The following TEX11 variants were observed in gnomAD, a reference collection of about 807,000 sequenced individuals.
TEX11 encodes the protein testis-expressed protein 11.
TEX11 carries 7 observed loss-of-function variants against 84.4 expected under a neutral mutation model. The observed-to-expected ratio is 0.08, with a 90% CI of 0.05 to 0.16. TEX11 has a LOEUF of 0.16. TEX11 is among the 10% of genes least tolerant of loss of function. The probability of loss-of-function intolerance (pLI) is 1.00; values close to 1 mark genes in which losing one functional copy is unlikely to be tolerated. For missense variants in TEX11, 551 were observed against 660.5 expected (o/e 0.83, Z 1.82); for synonymous variants, 264 against 222.8 (o/e 1.18, Z -1.64).
intron 2 of TEX11, among the ~76,000 whole-genome samples, chrX:70,899,358 T>C (rs1411666433): frequency 8.9e-6 from 1 of 111,800 alleles, no homozygotes; most frequent in Non-Finnish European, 1.9e-5. Context: ...ACTGATTATA[T>C]GCTGGAACAA....
At chrX:70,716,622 T>C (rs2090505466) in intron 13 of TEX11, among the ~76,000 whole-genome samples, 1 of 112,749 alleles carries the variant, frequency 8.9e-6, no homozygotes, top group Non-Finnish European at 1.9e-5. Flanking sequence ...GTGTGCCATT[T>C]GCTAATACCA....
In TEX11 at chrX:70,605,683, T is replaced by C. The variant is rs190849512; in HGVS notation, c.1951-166A>G. On this transcript the variant is annotated intron_variant, in intron 23 of 29. Transcript: ENST00000374333. ...AAACTATAATACTGATTTATGCTTT[T>C]AATTTTATATTACTTTCCATTGTTT... 5.8e-3 allele frequency among the ~76,000 whole-genome samples: 649 copies of C among 112,340 alleles called. 3 individuals are homozygous for C. The highest frequency in any genetic ancestry group is 0.02 in the African/African-American group (620 of 31,027).
At chrX:70,647,989 G>A (rs912765283) in intron 17 of TEX11, among the ~76,000 whole-genome samples, 3 of 111,607 alleles carry the variant, frequency 2.7e-5, no homozygotes, top group South Asian at 3.7e-4. Context: ...CACTATTCAC[G>A]ATAGCAAAGA....
At chrX:70,590,251 A>C (rs1195665039) in intron 25 of TEX11, among the ~76,000 whole-genome samples, 1 of 111,753 alleles carries the variant, frequency 8.9e-6, no homozygotes, top group Non-Finnish European at 1.9e-5. Flanking sequence ...TGACTGTCAT[A>C]GACTACGAGA....
the TEX11 span, among the ~76,000 whole-genome samples, chrX:70,515,874 A>T: frequency 8.9e-6 from 1 of 112,616 alleles, no homozygotes; most frequent in Non-Finnish European, 1.9e-5. Context: ...ATGACCAGTG[A>T]TGATGAGCAT....
chrX:70,724,149 C>G, intron 12 of TEX11: 1 of 752,484 alleles, frequency 1.3e-6, no homozygotes, highest in Non-Finnish European at 1.6e-6. Context: ...CCAATCATCT[C>G]TCTGGTCTTC....
At chrX:70,732,501 C>G (rs1487988837) in intron 11 of TEX11, among the ~76,000 whole-genome samples, 4 of 111,525 alleles carry the variant, frequency 3.6e-5, no homozygotes, top group Non-Finnish European at 7.5e-5. Context: ...TTCTTATACA[C>G]CAAAAACAGT....
chrX:70,531,038 A>C (rs1007790605), intron 28 of TEX11, among the ~76,000 whole-genome samples: 2 of 110,842 alleles, frequency 1.8e-5, no homozygotes, highest in African/African-American at 6.6e-5. Context: ...TTTTTCTTCA[A>C]ATTCACAAGA....
At chrX:70,629,410 C>T (rs1001487450) in intron 18 of TEX11, among the ~76,000 whole-genome samples, 1 of 111,773 alleles carries the variant, frequency 8.9e-6, no homozygotes, top group Non-Finnish European at 1.9e-5. Flanking sequence ...AACTCTGTTA[C>T]CTCACTGTTT....
At chrX:70,661,811 T>C (rs962463328) in intron 16 of TEX11, among the ~76,000 whole-genome samples, 37 of 112,020 alleles carry the variant, frequency 3.3e-4, no homozygotes, top group African/African-American at 1.2e-3. Flanking sequence ...GAGGGTCCTG[T>C]CTGTTAGAAG....
chrX:70,679,793 C>A (rs1454719827), intron 14 of TEX11, among the ~76,000 whole-genome samples: 2 of 103,828 alleles, frequency 1.9e-5, no homozygotes, highest in African/African-American at 7.0e-5. Flanking sequence ...GGGGTCAGCC[C>A]CCCGCCCGGC....
At chrX:70,649,622 G>A (rs5980990) in intron 17 of TEX11, among the ~76,000 whole-genome samples, 21,616 of 110,530 alleles carry the variant, frequency 0.2, 1,656 homozygotes, top group African/African-American at 0.21. Context: ...TATTATCATC[G>A]AATTAACTGG....
chrX:70,757,147 G>T (rs1021645184), intron 9 of TEX11, among the ~76,000 whole-genome samples: 3 of 112,130 alleles, frequency 2.7e-5, no homozygotes, highest in Admixed American at 9.4e-5. Context: ...CGTTTGACTG[G>T]TGTTCCTGAA....
chrX:70,768,637 G>A (rs1445438673), intron 9 of TEX11, among the ~76,000 whole-genome samples: 1 of 110,928 alleles, frequency 9.0e-6, no homozygotes, highest in Non-Finnish European at 1.9e-5. Context: ...GATCTCATGA[G>A]AACTCACTAT....
At chrX:70,588,358 T>G (rs1209895210) in intron 25 of TEX11, among the ~76,000 whole-genome samples, 2 of 111,633 alleles carry the variant, frequency 1.8e-5, no homozygotes, top group Non-Finnish European at 3.8e-5. Flanking sequence ...GTGGAGGTGA[T>G]TGAATCACAA....
At chrX:70,667,641 C>G (rs1268815315) in intron 16 of TEX11, among the ~76,000 whole-genome samples, 1 of 111,784 alleles carries the variant, frequency 8.9e-6, no homozygotes, top group African/African-American at 3.2e-5. Flanking sequence ...GAGAAAGAAA[C>G]AGTAGGCCGG....
At chrX:70,656,705 T>C (rs1039249641) in intron 16 of TEX11, among the ~76,000 whole-genome samples, 1 of 111,872 alleles carries the variant, frequency 8.9e-6, no homozygotes, top group Non-Finnish European at 1.9e-5. Context: ...AAGCGTCTAA[T>C]GGACTATATA....
chrX:70,882,097 G>A (rs1170963462), intron 2 of TEX11, among the ~76,000 whole-genome samples: 1 of 108,350 alleles, frequency 9.2e-6, no homozygotes, highest in Non-Finnish European at 1.9e-5. Context: ...CCCATAAGTT[G>A]TTTAATGGAA....
At chrX:70,515,270 C>T in the TEX11 span, among the ~76,000 whole-genome samples, 2 of 96,137 alleles carry the variant, frequency 2.1e-5, no homozygotes, top group Admixed American at 2.1e-4. Context: ...CCTCCTCCAC[C>T]CCCCCCCACC....
Sources: allele counts gnomAD v4.1 joint callset (sites outside exome capture counted in the v4.1 genomes callset), GRCh38; gene constraint gnomAD v4.1.1; transcripts MANE v1.5; gene names NCBI Gene and HGNC (gene_info 2026-07-23, HGNC 2026-07-21).